The following CALN1 variants were observed in gnomAD, a reference collection of about 807,000 sequenced individuals.
CALN1 encodes calcium-binding protein 8.
CALN1 carries 17 observed loss-of-function variants against 30.6 expected under a neutral mutation model. That is an observed-to-expected ratio of 0.56 (90% CI 0.38 to 0.83). The LOEUF is 0.83. CALN1 is among the 40% of genes least tolerant of loss of function. The pLI, the probability that CALN1 is intolerant of heterozygous loss-of-function variation, is 0.00. For missense variants in CALN1, 291 were observed against 354.9 expected (o/e 0.82, Z 1.45); for synonymous variants, 156 against 131.4 (o/e 1.19, Z -1.28).
At chr7:72,467,078 A>G in the CALN1 span, among the ~76,000 whole-genome samples, 2 of 152,134 alleles carry the variant, frequency 1.3e-5, no homozygotes, top group Non-Finnish European at 2.9e-5. Flanking sequence ...TTACCCCCAG[A>G]GAACAGTGGC....
At chr7:72,389,402 T>C (rs1044135107) in intron 2 of CALN1, among the ~76,000 whole-genome samples, 5 of 152,190 alleles carry the variant, frequency 3.3e-5, no homozygotes, top group African/African-American at 1.2e-4. Context: ...GCATCGTCTT[T>C]ACATTAGGAA....
intron 3 of CALN1, among the ~76,000 whole-genome samples, chr7:72,145,793 C>T (rs1027536589): frequency 1.3e-5 from 2 of 151,810 alleles, no homozygotes; most frequent in African/African-American, 4.8e-5. Flanking sequence ...GGGCTTCATC[C>T]CTGGGATGCA....
chr7:71,989,718 G>T (rs1380450924), intron 5 of CALN1, among the ~76,000 whole-genome samples: 3 of 152,062 alleles, frequency 2.0e-5, no homozygotes, highest in Admixed American at 1.3e-4. Context: ...AAAAGGAAAT[G>T]AAGGAAAATA....
At chr7:72,247,156 A>G (rs972450674) in intron 3 of CALN1, among the ~76,000 whole-genome samples, 20 of 150,838 alleles carry the variant, frequency 1.3e-4, no homozygotes, top group African/African-American at 3.4e-4. Context: ...GTTACGGAGA[A>G]AGCTACAAGG....
intron 4 of CALN1, among the ~76,000 whole-genome samples, chr7:72,103,638 G>A (rs860014): frequency 0.75 from 113,481 of 151,988 alleles, 42,615 homozygotes; most frequent in East Asian, 0.97. Flanking sequence ...ACTGGTCCCA[G>A]GATTCTTCAA....
intron 2 of CALN1, among the ~76,000 whole-genome samples, chr7:72,286,883 G>T (rs957529420): frequency 6.6e-6 from 1 of 152,136 alleles, no homozygotes; most frequent in Non-Finnish European, 1.5e-5. Context: ...CTTTAACAAG[G>T]TGTCTATGAC....
Position 72,412,103 on chromosome 7 carries a change from A to G in CALN1, c.-119T>C, listed in dbSNP as rs982850998. 1 of 152,178 alleles carries G rather than the reference A, an allele frequency of 6.6e-6. No homozygotes were observed. The highest frequency in any genetic ancestry group is 2.4e-5 in the African/African-American group (1 of 41,300). The allele number at this position is 152,178 out of a possible 1,614,324, so 9.4% of individuals were successfully genotyped here. ...TTCTGCTGGGTTGTTGGTCTCGCCG[A>G]CTTTAAGAATAAAACCACGGACCTC... On this transcript the variant is annotated 5_prime_UTR_variant, in exon 1 of 7. Transcript: ENST00000395275.
chr7:71,816,349 C>A (rs914133995), intron 5 of CALN1, among the ~76,000 whole-genome samples: 19 of 152,166 alleles, frequency 1.2e-4, no homozygotes, highest in African/African-American at 4.6e-4. Context: ...ACTCATGGGA[C>A]CCTGTCTCTT....
intron 5 of CALN1, among the ~76,000 whole-genome samples, chr7:71,935,419 T>G (rs1216837721): frequency 6.6e-6 from 1 of 152,176 alleles, no homozygotes; most frequent in Non-Finnish European, 1.5e-5. Context: ...TTAGCAGTGG[T>G]AGATGGATTC....
chr7:71,898,016 GGGGA>G (rs1793642387), intron 5 of CALN1, among the ~76,000 whole-genome samples: 4 of 77,600 alleles, frequency 5.2e-5, no homozygotes, highest in Admixed American at 1.2e-4. Context: ...AGGGAGGGGG[GGGGA>G]GAGAGAGAGA....
chr7:71,784,272 G>A lies in CALN1; in HGVS notation c.*3503C>T, dbSNP rs1333968280. 2.0e-5 allele frequency: 3 copies of A among 152,178 alleles called. No homozygotes were observed. Among genetic ancestry groups the A allele is most frequent in the Admixed American group, 6.6e-5 (1 of 15,266 alleles). 9.4% of individuals were successfully genotyped at this position (152,178 alleles called of 1,614,324 possible). ...GACAAAAAGGCAGAGATACCACCCAGATTCTTTAAGGGTAATTGCCTCTCC... is the reference window on the plus strand; with the variant it reads ...GACAAAAAGGCAGAGATACCACCCAAATTCTTTAAGGGTAATTGCCTCTCC... On this transcript the variant is annotated 3_prime_UTR_variant, in exon 7 of 7. Coordinates refer to ENST00000395275, the MANE Select transcript of CALN1 (RefSeq NM_031468.4).
intron 3 of CALN1, among the ~76,000 whole-genome samples, chr7:72,141,129 T>C (rs1215726735): frequency 6.6e-6 from 1 of 152,070 alleles, no homozygotes; most frequent in East Asian, 1.9e-4. Flanking sequence ...TAGCAACAAT[T>C]ATCCAATAGA....
intron 5 of CALN1, among the ~76,000 whole-genome samples, chr7:71,878,773 T>TCACA (rs1792399160): frequency 6.6e-6 from 1 of 152,126 alleles, no homozygotes; most frequent in South Asian, 2.1e-4. Context: ...ACAATAGTAA[T>TCACA]GATTACAACT....
Position 72,412,091 on chromosome 7 carries a change from T to C in CALN1, c.-107A>G, listed in dbSNP as rs367721500. 4.6e-5 allele frequency: 7 copies of C among 152,372 alleles called. No individual in the cohort carries two copies. Among genetic ancestry groups the C allele is most frequent in the Admixed American group, 1.3e-4 (2 of 15,284 alleles). 9.4% of individuals were successfully genotyped at this position (152,372 alleles called of 1,614,324 possible). A position where few individuals can be genotyped will look rare whatever the true frequency, so the allele number is the denominator to read the frequency against. On this transcript the variant is annotated 5_prime_UTR_variant, in exon 1 of 7. Coordinates refer to ENST00000395275, the MANE Select transcript of CALN1 (RefSeq NM_031468.4). The stretch of plus-strand genomic sequence containing the variant: ...GGAATTTATTCCTTCTGCTGGGTTG[T>C]TGGTCTCGCCGACTTTAAGAATAAA...
intron 5 of CALN1, among the ~76,000 whole-genome samples, chr7:71,843,832 T>C (rs765518214): frequency 5.3e-5 from 8 of 152,176 alleles, no homozygotes; most frequent in Admixed American, 2.0e-4. Flanking sequence ...TTTCCTCCCC[T>C]GTGTCCTCTT....
intron 4 of CALN1, among the ~76,000 whole-genome samples, chr7:72,054,534 T>TATATAC (rs1803114631): frequency 1.7e-5 from 2 of 118,678 alleles, no homozygotes; most frequent in African/African-American, 6.3e-5. Flanking sequence ...TATACATACA[T>TATATAC]ATATATATAC....
At chr7:72,109,049 C>T (rs1475061678) in intron 3 of CALN1, among the ~76,000 whole-genome samples, 1 of 152,170 alleles carries the variant, frequency 6.6e-6, no homozygotes, top group Non-Finnish European at 1.5e-5. Context: ...GAGCGGTAAG[C>T]ACCTCCTACC....
rs2129544001 is a variant in CALN1 at position 72,148,846 on chromosome 7, G to C, written c.245-42552C>G. ...TTGGAACCCTGAGATGGAGGTTGCA[G>C]TGAGCCAAGATCATACCACTGCACT... On this transcript the variant is annotated intron_variant, in intron 3 of 6. Transcript: ENST00000395275. Among the ~76,000 whole-genome samples, 3 of 151,800 alleles carry C rather than the reference G, an allele frequency of 2.0e-5. 1 individual carries two copies.
In CALN1 at chr7:71,816,364, T is replaced by C. The variant is rs138845697; in HGVS notation, c.502-5872A>G. ...ACTCATGGGACCCTGTCTCTTTATA[T>C]TGGGTAAGGGAGCAAGGTATTGTTC... On this transcript the variant is annotated intron_variant, in intron 5 of 6. Transcript: ENST00000395275. Among the ~76,000 whole-genome samples, 347 of 152,104 alleles carry C rather than the reference T, an allele frequency of 2.3e-3. 2 individuals are homozygous for C. The highest frequency in any genetic ancestry group is 7.9e-3 in the African/African-American group (327 of 41,494).
Sources: allele counts gnomAD v4.1 joint callset (sites outside exome capture counted in the v4.1 genomes callset), GRCh38; gene constraint gnomAD v4.1.1; transcripts MANE v1.5; gene names NCBI Gene and HGNC (gene_info 2026-07-23, HGNC 2026-07-21).